Variants in OPRK1 observed in about 807,000 individuals in gnomAD.
The protein encoded by OPRK1 is kappa-type opioid receptor.
Under a neutral mutation model 24.5 loss-of-function variants are expected in OPRK1, and 15 were observed. The ratio of observed to expected loss-of-function variants is 0.61; its 90% CI spans 0.41 to 0.94. The LOEUF (loss-of-function observed/expected upper bound fraction) is 0.94, where lower values mean the gene tolerates loss of function less well. OPRK1 is among the 40% of genes least tolerant of loss of function. The probability of loss-of-function intolerance (pLI) is 0.00; values close to 1 mark genes in which losing one functional copy is unlikely to be tolerated. For missense variants in OPRK1, 479 were observed against 507.3 expected, an observed-to-expected ratio of 0.94 and a Z score of 0.54; for synonymous variants, 205 against 198.0, an observed-to-expected ratio of 1.04 and a Z score of -0.30.
In OPRK1 at chr8:53,229,049, G is replaced by T; in HGVS notation, c.*248C>A. 1 of 427,482 alleles carries T rather than the reference G, an allele frequency of 2.3e-6. No individual in the cohort carries two copies. The highest frequency in any genetic ancestry group is 4.2e-6 in the Non-Finnish European group (1 of 239,242). The allele number at this position is 427,482 out of a possible 1,614,324, so 26.5% of individuals were successfully genotyped here. On this transcript the variant is annotated 3_prime_UTR_variant, in exon 4 of 4. Coordinates refer to ENST00000265572, the MANE Select transcript of OPRK1 (RefSeq NM_000912.5). ...AGACCTGTTCCCTTGTTCATCAGAG[G>T]AACTGAGGCTCTGCCTCGCTTCTGT...
intron 2 of OPRK1, among the ~76,000 whole-genome samples, chr8:53,243,583 C>T (rs907604047): frequency 1.3e-5 from 2 of 152,188 alleles, no homozygotes; most frequent in Non-Finnish European, 2.9e-5. Context: ...AACAGTTCCA[C>T]GAGACTTTGG....
chr8:53,241,878 G>A (rs1807123800), intron 2 of OPRK1, among the ~76,000 whole-genome samples: 1 of 152,218 alleles, frequency 6.6e-6, no homozygotes, highest in African/African-American at 2.4e-5. Context: ...ATGATTCCGC[G>A]GGAACAGCCA....
At chr8:53,232,456 T>C (rs1806878793) in intron 3 of OPRK1, among the ~76,000 whole-genome samples, 1 of 152,230 alleles carries the variant, frequency 6.6e-6, no homozygotes, top group Admixed American at 6.5e-5. Flanking sequence ...ATTACCCTAA[T>C]TTGATCATTA....
intron 2 of OPRK1, chr8:53,238,615 T>C (rs1807049092): frequency 3.0e-6 from 3 of 985,376 alleles, no homozygotes; most frequent in Non-Finnish European, 3.6e-6. Context: ...CAGTGACACT[T>C]TAACTCAAGA....
Position 53,235,130 on chromosome 8 carries a change from T to C in OPRK1, c.258-19A>G, listed in dbSNP as rs748966738. 7 of 1,593,620 alleles carry C rather than the reference T, an allele frequency of 4.4e-6. No individual in the cohort carries two copies. The South Asian group carries it at 4.5e-5, about 10-fold the overall frequency. On this transcript the variant is annotated intron_variant, in intron 2 of 3. Transcript: ENST00000265572. Reference sequence around the variant, plus strand: ...TGTGTATCTAAAAGAAAAGAAACAATAGCATTTCCCTCCATTTTCAAGTCA... The same window carrying C: ...TGTGTATCTAAAAGAAAAGAAACAACAGCATTTCCCTCCATTTTCAAGTCA...
chr8:53,232,904 C>G (rs936548465), intron 3 of OPRK1, among the ~76,000 whole-genome samples: 2 of 152,198 alleles, frequency 1.3e-5, no homozygotes, highest in Admixed American at 6.5e-5. Context: ...ACATATACTA[C>G]AGTATGGAAA....
In OPRK1 at chr8:53,235,204, G is replaced by T. The variant is rs1806962682; in HGVS notation, c.258-93C>A. On this transcript the variant is annotated intron_variant, in intron 2 of 3. Coordinates refer to ENST00000265572, the MANE Select transcript of OPRK1 (RefSeq NM_000912.5). ...TGATAGCCTTTGGATTACTGATTTTGCTTCTTCATTCAATTATTCTTATAT... is the reference window on the plus strand; with the variant it reads ...TGATAGCCTTTGGATTACTGATTTTTCTTCTTCATTCAATTATTCTTATAT... 6 of 1,059,406 alleles carry T rather than the reference G, an allele frequency of 5.7e-6. No homozygotes were observed. The South Asian group carries it at 9.4e-5, about 17-fold the overall frequency. 65.6% of individuals were successfully genotyped at this position (1,059,406 alleles called of 1,614,324 possible). A position where few individuals can be genotyped will look rare whatever the true frequency, so the allele number is the denominator to read the frequency against.
chr8:53,235,540 T>C (rs1031461551), intron 2 of OPRK1, among the ~76,000 whole-genome samples: 13 of 151,756 alleles, frequency 8.6e-5, no homozygotes, highest in Admixed American at 8.5e-4. Context: ...TTTTGAGAAA[T>C]CAATCATTAT....
intron 1 of OPRK1, 72 bp from the exon 2 acceptor site, chr8:53,251,157 G>T: frequency 7.2e-7 from 1 of 1,387,078 alleles, no homozygotes; most frequent in Non-Finnish European, 9.3e-7. Context: ...CGGCGCTGGG[G>T]ACCCGGAGCC....
At chr8:53,234,174 C>T (rs1806925937) in intron 3 of OPRK1, among the ~76,000 whole-genome samples, 1 of 73,304 alleles carries the variant, frequency 1.4e-5, no homozygotes, top group South Asian at 6.1e-4. Context: ...CAGAGCAAGA[C>T]TCTCTCTCAA....
chr8:53,244,064 G>A (rs953166641), intron 2 of OPRK1, among the ~76,000 whole-genome samples: 1 of 152,196 alleles, frequency 6.6e-6, no homozygotes, highest in African/African-American at 2.4e-5. Flanking sequence ...ACTTGGGAGA[G>A]AAGAGGCAGG....
intron 1 of OPRK1, 112 bp from the exon 2 acceptor site, chr8:53,251,197 C>T (rs1325821560): frequency 8.3e-7 from 1 of 1,210,748 alleles, no homozygotes; most frequent in Non-Finnish European, 1.1e-6. Context: ...CGCAAGTCGC[C>T]GGGGGCAGGA....
intron 2 of OPRK1, chr8:53,242,862 G>A: frequency 7.8e-7 from 1 of 1,285,308 alleles, no homozygotes; most frequent in African/African-American, 1.5e-5. Context: ...AGTCCCTTTG[G>A]GATCTCTCAA....
At chr8:53,239,340 T>C (rs1326160689) in intron 2 of OPRK1, among the ~76,000 whole-genome samples, 4 of 152,222 alleles carry the variant, frequency 2.6e-5, no homozygotes, top group Non-Finnish European at 4.4e-5. Context: ...AAGAGAAAGA[T>C]TGCTGTGTAG....
rs779825370 is a variant in OPRK1 at position 53,229,584 on chromosome 8, A to G, written c.856T>C (p.Cys286Arg). 3 of 1,614,200 alleles carry G rather than the reference A, an allele frequency of 1.9e-6. No homozygotes were observed. In the Admixed American group the frequency reaches 5.0e-5, roughly 27 times the overall value. Reference protein sequence around the residue: ...VLVVVAVFVVCWTPIHIFILV... With the variant: ...VLVVVAVFVVRWTPIHIFILV... ...ATGAATATGTGAATGGGAGTCCAGC[A>G]GACGACGAAGACTGCCACCACCACC... The change falls in exon 4 of 4, where the codon TGC becomes CGC. Residue 286 changes from cysteine (C) to arginine (R), a missense_variant. Transcript: ENST00000265572.
rs184471209 is a variant in OPRK1, at chr8:53,225,880, A to T, written c.*3417T>A. 1 of 152,590 alleles carries T rather than the reference A, an allele frequency of 6.6e-6. No individual in the cohort carries two copies. Among genetic ancestry groups the T allele is most frequent in the Admixed American group, 6.5e-5 (1 of 15,290 alleles). 9.5% of individuals were successfully genotyped at this position (152,590 alleles called of 1,614,324 possible). A position where few individuals can be genotyped will look rare whatever the true frequency, so the allele number is the denominator to read the frequency against. ...TGTTTCAGAGAAGAAAATTGCCTTA[A>T]GGAAGCTGGGTTATACCGTTTTTGG... On this transcript the variant is annotated 3_prime_UTR_variant, in exon 4 of 4. Transcript: ENST00000265572.
At chr8:53,233,811 G>T (rs991645977) in intron 3 of OPRK1, among the ~76,000 whole-genome samples, 5 of 152,048 alleles carry the variant, frequency 3.3e-5, no homozygotes, top group African/African-American at 1.2e-4. Context: ...ACCCTTAAGG[G>T]GTGGGATGCA....
In OPRK1 at chr8:53,250,906, C is replaced by T; in HGVS notation, c.132G>A (p.Ser44=). Residue 44 remains serine, a synonymous_variant, in exon 2 of 4, where the codon TCG becomes TCA. Transcript: ENST00000265572. ...GCGCGGGCTCCAGCTGCGCGTCCTC[C>T]GAGCCGGCGCTGCCGTTGCTGTCGG... is the stretch of plus-strand genomic sequence containing the variant. ...AEPDSNGSAG[S]EDAQLEPAHI... 3 of 1,611,174 alleles carry T rather than the reference C, an allele frequency of 1.9e-6. No individual in the cohort carries two copies. Among genetic ancestry groups the T allele is most frequent in the Non-Finnish European group, 2.5e-6 (3 of 1,179,152 alleles).
At position 53,229,577 on chromosome 8, in the gene OPRK1, G is replaced by A. The variant is rs750003123; in HGVS notation, c.863C>T (p.Thr288Ile). The change falls in exon 4 of 4, where the codon ACT becomes ATT. Residue 288 changes from threonine (T) to isoleucine (I), a missense_variant. By Grantham distance (89) the Thr-to-Ile change is moderately conservative. Coordinates refer to ENST00000265572, the MANE Select transcript of OPRK1 (RefSeq NM_000912.5). ...VVVAVFVVCW[T>I]PIHIFILVEA... ...CACCAGGATGAATATGTGAATGGGA[G>A]TCCAGCAGACGACGAAGACTGCCAC... 6.2e-7 allele frequency: 1 copy of A among 1,614,212 alleles called. No homozygotes were observed. The highest frequency in any genetic ancestry group is 2.2e-5 in the East Asian group (1 of 44,886).
Sources: allele counts gnomAD v4.1 joint callset (sites outside exome capture counted in the v4.1 genomes callset), GRCh38; gene constraint gnomAD v4.1.1; transcripts MANE v1.5; gene names NCBI Gene and HGNC (gene_info 2026-07-23, HGNC 2026-07-21).